The following BAZ2B variants were observed in gnomAD, a reference collection of about 807,000 sequenced individuals.
BAZ2B encodes the protein bromodomain adjacent to zinc finger domain 2B.
A neutral mutation model predicts 246.0 loss-of-function variants in BAZ2B; 91 were observed. The ratio of observed to expected loss-of-function variants is 0.37; its 90% CI spans 0.31 to 0.44. The LOEUF is 0.44. Among genes scored for constraint, BAZ2B ranks in the 20% least tolerant of loss-of-function variants. The pLI, the probability that BAZ2B is intolerant of heterozygous loss-of-function variation, is 1.00. For synonymous variants in BAZ2B, 855 were observed against 860.0 expected (o/e 0.99, Z 0.10); for missense variants, 2,332 against 2,533.7 (o/e 0.92, Z 1.71).
the BAZ2B span, among the ~76,000 whole-genome samples, chr2:159,651,942 C>T: frequency 5.9e-5 from 9 of 152,072 alleles, no homozygotes; most frequent in Non-Finnish European, 5.9e-5. Flanking sequence ...TTTTTCCATT[C>T]ATCTATTAGT....
intron 1 of BAZ2B, among the ~76,000 whole-genome samples, chr2:159,569,459 T>C (rs1346551887): frequency 6.6e-6 from 1 of 152,132 alleles, no homozygotes; most frequent in Admixed American, 6.6e-5. Context: ...CTTCTGTAAT[T>C]ACCCAACTCC....
At chr2:159,673,430 A>G in the BAZ2B span, among the ~76,000 whole-genome samples, 7 of 152,212 alleles carry the variant, frequency 4.6e-5, no homozygotes, top group Non-Finnish European at 1.0e-4. Flanking sequence ...TATAATCTCT[A>G]TAGGGAAGAA....
chr2:159,613,932 G>C (rs1019463351), intron 1 of BAZ2B, among the ~76,000 whole-genome samples: 3 of 152,090 alleles, frequency 2.0e-5, no homozygotes, highest in Non-Finnish European at 4.4e-5. Flanking sequence ...TTACCATATA[G>C]AACATAAATT....
chr2:159,373,254 T>C, intron 26 of BAZ2B, 65 bp from the exon 27 acceptor site: 3 of 1,439,024 alleles, frequency 2.1e-6, no homozygotes, highest in South Asian at 1.4e-5. Context: ...TTAATATATA[T>C]GTAACTTTAT....
intron 1 of BAZ2B, among the ~76,000 whole-genome samples, chr2:159,598,924 AATACATAC>A (rs929529341): frequency 1.3e-5 from 2 of 151,870 alleles, no homozygotes; most frequent in African/African-American, 2.4e-5. Flanking sequence ...CTGTCTCATA[AATACATAC>A]ATACATACAT....
At chr2:159,635,380 AT>A in the BAZ2B span, among the ~76,000 whole-genome samples, 3 of 151,752 alleles carry the variant, frequency 2.0e-5, no homozygotes, top group Non-Finnish European at 4.4e-5. Context: ...AATAAAAAAA[AT>A]AACAAAACCC....
At chr2:159,390,167 C>G (rs1447890019) in intron 20 of BAZ2B, among the ~76,000 whole-genome samples, 1 of 152,144 alleles carries the variant, frequency 6.6e-6, no homozygotes, top group East Asian at 1.9e-4. Flanking sequence ...TCAGTCAGTT[C>G]TAACCTACTA....
In BAZ2B at chr2:159,570,359, AT is replaced by A. The variant is rs569631857; in HGVS notation, c.-45-14495del. Among the ~76,000 whole-genome samples, 21 of 151,950 alleles carry A rather than the reference AT, an allele frequency of 1.4e-4. No individual in the cohort carries two copies. In the South Asian group the frequency reaches 4.2e-3, roughly 30 times the overall value. On this transcript the variant is annotated intron_variant, in intron 1 of 36. Transcript: ENST00000392783. ...GCCACCATGCCTGGCTAATTTTTGT[AT>A]TTTTAGTAGAGACAAGGTTTCACTG...
At chr2:159,430,504 G>T (rs1369178542) in intron 10 of BAZ2B, among the ~76,000 whole-genome samples, 1 of 152,170 alleles carries the variant, frequency 6.6e-6, no homozygotes, top group Non-Finnish European at 1.5e-5. Flanking sequence ...GTAGATTTTC[G>T]ATTGTGTGTG....
At chr2:159,317,000 C>CAATAAAATAA (rs34405313), downstream of BAZ2B, among the ~76,000 whole-genome samples, 101 of 148,826 alleles carry the variant, frequency 6.8e-4, no homozygotes, top group African/African-American at 1.8e-3. Flanking sequence ...TACTCTGTCT[C>CAATAAAATAA]AATAAAATAA....
At chr2:159,505,355 A>G (rs993673909) in intron 2 of BAZ2B, among the ~76,000 whole-genome samples, 3 of 152,210 alleles carry the variant, frequency 2.0e-5, no homozygotes, top group African/African-American at 7.2e-5. Flanking sequence ...TCTCAAATAT[A>G]TATAAATCTG....
At chr2:159,580,573 T>C (rs185820312) in intron 1 of BAZ2B, among the ~76,000 whole-genome samples, 1 of 152,268 alleles carries the variant, frequency 6.6e-6, no homozygotes, top group East Asian at 1.9e-4. Context: ...TACTTTAAAG[T>C]TCATATGGAA....
the BAZ2B span, chr2:159,693,218 G>A: frequency 1.3e-5 from 2 of 151,764 alleles, no homozygotes; most frequent in African/African-American, 4.8e-5. Context: ...TTAGGAATTG[G>A]TATTATCCAT....
chr2:159,332,432 G>T, intron 34 of BAZ2B, 108 bp downstream of exon 34: 1 of 1,102,354 alleles, frequency 9.1e-7, no homozygotes, highest in Non-Finnish European at 1.3e-6. Flanking sequence ...GGCTGTAGTG[G>T]GCTATGATCA....
intron 2 of BAZ2B, among the ~76,000 whole-genome samples, chr2:159,520,118 G>C (rs1259609049): frequency 6.6e-6 from 1 of 152,106 alleles, no homozygotes; most frequent in Admixed American, 6.6e-5. Context: ...GAAAAAACAA[G>C]ATCTACCAGT....
At chr2:159,379,715 A>G (rs1356188870) in intron 25 of BAZ2B, among the ~76,000 whole-genome samples, 1 of 152,182 alleles carries the variant, frequency 6.6e-6, no homozygotes, top group Non-Finnish European at 1.5e-5. Context: ...CATTCCATCG[A>G]TAAATTCATC....
intron 1 of BAZ2B, among the ~76,000 whole-genome samples, chr2:159,610,240 C>A (rs1258756716): frequency 2.0e-5 from 3 of 152,138 alleles, no homozygotes; most frequent in Non-Finnish European, 2.9e-5. Context: ...CAGACCTGAC[C>A]TACTAGAAGA....
At chr2:159,384,368 A>G (rs2062373599) in intron 23 of BAZ2B, among the ~76,000 whole-genome samples, 1 of 152,084 alleles carries the variant, frequency 6.6e-6, no homozygotes, top group South Asian at 2.1e-4. Flanking sequence ...GTCAGTGAAT[A>G]GCAGAAACAA....
chr2:159,541,533 C>T (rs1166001557), intron 2 of BAZ2B, among the ~76,000 whole-genome samples: 3 of 152,194 alleles, frequency 2.0e-5, no homozygotes, highest in East Asian at 1.9e-4. Flanking sequence ...CCCACCTCAG[C>T]CTCCCAAAGT....
Sources: gnomAD v4.1 joint callset for allele counts (sites outside exome capture counted in the v4.1 genomes callset) on GRCh38, gnomAD v4.1.1 for gene constraint, MANE v1.5 for transcripts, NCBI Gene and HGNC (gene_info 2026-07-23, HGNC 2026-07-21) for gene names.